FAT3: variants seen among roughly 807,000 people sequenced by gnomAD.
The protein encoded by FAT3 is protocadherin Fat 3.
In FAT3, 95 loss-of-function variants were observed where a neutral mutation model predicts 310.2. The observed-to-expected ratio is 0.31, with a 90% CI of 0.26 to 0.36. The LOEUF (loss-of-function observed/expected upper bound fraction) is 0.36. Among genes scored for constraint, FAT3 ranks in the 10% least tolerant of loss-of-function variants. The probability of loss-of-function intolerance (pLI) is 1.00; values close to 1 mark genes in which losing one functional copy is unlikely to be tolerated. For synonymous variants in FAT3, 2,314 were observed against 2,192.9 expected, an observed-to-expected ratio of 1.06 and a Z score of -1.54; for missense variants, 5,408 against 5,715.6, an observed-to-expected ratio of 0.95 and a Z score of 1.74.
chr11:92,247,640 C>T (rs1035207821), intron 1 of FAT3, among the ~76,000 whole-genome samples: 99 of 151,848 alleles, frequency 6.5e-4, no homozygotes, highest in African/African-American at 2.3e-3. Flanking sequence ...TAGGCATTGA[C>T]GAACATTTGC....
intron 1 of FAT3, among the ~76,000 whole-genome samples, chr11:92,298,536 T>C (rs957683927): frequency 6.6e-6 from 1 of 152,138 alleles, no homozygotes; most frequent in Non-Finnish European, 1.5e-5. Flanking sequence ...GTAACAATAA[T>C]AGCAGCATAA....
chr11:92,507,429 G>A (rs1234924656), intron 2 of FAT3, among the ~76,000 whole-genome samples: 1 of 151,832 alleles, frequency 6.6e-6, no homozygotes, highest in Admixed American at 6.6e-5. Context: ...TAGTTTTGAG[G>A]ATTTCACTCA....
intron 2 of FAT3, among the ~76,000 whole-genome samples, chr11:92,511,482 C>T (rs1452101770): frequency 6.6e-6 from 1 of 152,134 alleles, no homozygotes; most frequent in African/African-American, 2.4e-5. Context: ...TGTTATCCTT[C>T]ATTTACTTAT....
intron 2 of FAT3, among the ~76,000 whole-genome samples, chr11:92,482,759 C>T (rs144461506): frequency 3.3e-5 from 5 of 152,250 alleles, no homozygotes; most frequent in Non-Finnish European, 5.9e-5. Context: ...TCTTTTGTGC[C>T]GACACCCTTC....
intron 7 of FAT3, among the ~76,000 whole-genome samples, chr11:92,782,511 G>T (rs958117046): frequency 1.3e-5 from 2 of 152,096 alleles, no homozygotes; most frequent in African/African-American, 4.8e-5. Context: ...GGTCGAGGCT[G>T]CAGTGAGCCA....
intron 2 of FAT3, among the ~76,000 whole-genome samples, chr11:92,426,527 C>T (rs1591273090): frequency 6.6e-6 from 1 of 152,064 alleles, no homozygotes; most frequent in South Asian, 2.1e-4. Context: ...TTTAAATCTT[C>T]AATCCATCTT....
At chr11:92,502,172 CAT>C (rs1952959348) in intron 2 of FAT3, among the ~76,000 whole-genome samples, 1 of 152,006 alleles carries the variant, frequency 6.6e-6, no homozygotes, top group African/African-American at 2.4e-5. Flanking sequence ...CAGGGATAAA[CAT>C]AAATCTTTCA....
chr11:92,492,255 C>T (rs2135240521), intron 2 of FAT3, among the ~76,000 whole-genome samples: 1 of 151,066 alleles, frequency 6.6e-6, no homozygotes, highest in Middle Eastern at 3.4e-3. Context: ...ATCCATCCAT[C>T]CATCCATCCA....
intron 22 of FAT3, among the ~76,000 whole-genome samples, chr11:92,868,731 A>G (rs886571039): frequency 1.3e-5 from 2 of 152,300 alleles, no homozygotes; most frequent in Non-Finnish European, 2.9e-5. Context: ...AAATAATAAT[A>G]ATAATCACTG....
intron 4 of FAT3, among the ~76,000 whole-genome samples, chr11:92,737,283 G>T (rs748186955): frequency 3.9e-5 from 6 of 152,112 alleles, no homozygotes; most frequent in South Asian, 4.1e-4. Flanking sequence ...TTTTGTCTCT[G>T]ATTTCCATTC....
At chr11:92,552,440 A>G (rs1047811243) in intron 3 of FAT3, among the ~76,000 whole-genome samples, 4 of 152,202 alleles carry the variant, frequency 2.6e-5, no homozygotes, top group African/African-American at 9.7e-5. Context: ...AAAATCTTAT[A>G]GAGAAAGAAA....
At chr11:92,491,692 G>A (rs182253055) in intron 2 of FAT3, among the ~76,000 whole-genome samples, 6 of 152,212 alleles carry the variant, frequency 3.9e-5, no homozygotes, top group Admixed American at 3.9e-4. Context: ...TTCTCCAACA[G>A]TAATTCACAT....
At chr11:92,722,239 CA>C (rs1198573740) in intron 4 of FAT3, among the ~76,000 whole-genome samples, 1 of 152,094 alleles carries the variant, frequency 6.6e-6, no homozygotes, top group Non-Finnish European at 1.5e-5. Context: ...ACAGCCATTC[CA>C]AATGGGAGAA....
chr11:92,859,905 T>A (rs988382593), intron 21 of FAT3, among the ~76,000 whole-genome samples: 1 of 152,056 alleles, frequency 6.6e-6, no homozygotes, highest in African/African-American at 2.4e-5. Flanking sequence ...AAAACAACAA[T>A]AATAATGGTA....
chr11:92,238,592 A>G (rs1210419619), intron 1 of FAT3, among the ~76,000 whole-genome samples: 1 of 152,084 alleles, frequency 6.6e-6, no homozygotes, highest in African/African-American at 2.4e-5. Context: ...TCCAGATTTC[A>G]TCTTTGTTTA....
At chr11:92,742,041 C>G (rs945589458) in intron 4 of FAT3, among the ~76,000 whole-genome samples, 3 of 152,148 alleles carry the variant, frequency 2.0e-5, no homozygotes, top group African/African-American at 4.8e-5. Context: ...GATATTAGCT[C>G]GGCATCCGTT....
chr11:92,793,752 G>A (rs1256041626), intron 9 of FAT3, among the ~76,000 whole-genome samples: 2 of 152,042 alleles, frequency 1.3e-5, no homozygotes, highest in African/African-American at 2.4e-5. Flanking sequence ...TTTTCAAAAT[G>A]TTCTGCAACT....
intron 13 of FAT3, among the ~76,000 whole-genome samples, chr11:92,822,655 C>T (rs1368988163): frequency 1.3e-5 from 2 of 152,170 alleles, no homozygotes; most frequent in African/African-American, 2.4e-5. Flanking sequence ...TTTCCACCCA[C>T]GCATCCTCTC....
At position 92,352,550 on chromosome 11, in the gene FAT3, A is replaced by T. The variant is rs1948597331; in HGVS notation, c.438A>T (p.Ile146=). ...TGGAAGCATGGACCAAAGTGAATAT[A>T]CAGGTTTTAGATATGAATGATCTGA... The part of the protein sequence containing the change: ...EDLEAWTKVN[I]QVLDMNDLRP... The change falls in exon 2 of 28, where the codon ATA becomes ATT. Residue 146 remains isoleucine (I), a synonymous_variant. Coordinates refer to ENST00000525166, the MANE Select transcript of FAT3 (RefSeq NM_001367949.2). The T allele has an allele frequency of 6.2e-7, 1 of 1,613,672 alleles. No individual in the cohort carries two copies. The highest frequency in any genetic ancestry group is 1.1e-5 in the South Asian group (1 of 91,068).
Sources: gnomAD v4.1 joint callset for allele counts (sites outside exome capture counted in the v4.1 genomes callset) on GRCh38, gnomAD v4.1.1 for gene constraint, MANE v1.5 for transcripts, NCBI Gene and HGNC (gene_info 2026-07-23, HGNC 2026-07-21) for gene names.